Variants in ROBO1 observed in about 807,000 individuals in gnomAD.
ROBO1 encodes the protein roundabout homolog 1.
ROBO1 carries 149 observed loss-of-function variants against 195.9 expected under a neutral mutation model. The observed-to-expected ratio is 0.76, with a 90% CI of 0.67 to 0.87. The LOEUF (loss-of-function observed/expected upper bound fraction) is 0.87. Among genes scored for constraint, ROBO1 ranks in the 40% least tolerant of loss-of-function variants. ROBO1 has a pLI of 0.00. For missense variants in ROBO1, 1,933 were observed against 2,068.3 expected (o/e 0.93, Z 1.27); for synonymous variants, 816 against 733.2 (o/e 1.11, Z -1.82).
At chr3:78,690,733 G>A (rs2081154048) in intron 8 of ROBO1, among the ~76,000 whole-genome samples, 1 of 152,120 alleles carries the variant, frequency 6.6e-6, no homozygotes. Flanking sequence ...AATTAGATGA[G>A]TGGGAGAATA....
Position 78,696,726 on chromosome 3 carries a change from A to G in ROBO1, c.1046-7954T>C, listed in dbSNP as rs569571902. ...CACATATATATACACGTATATATAC[A>G]TGTATATATACATATATATATACAC... On this transcript the variant is annotated intron_variant, in intron 8 of 30. Coordinates refer to ENST00000464233, the MANE Select transcript of ROBO1 (RefSeq NM_002941.4). Among the ~76,000 whole-genome samples the G allele has an allele frequency of 8.4e-4, 124 of 147,090 alleles. 1 individual carries two copies. In the South Asian group the frequency reaches 0.016, roughly 18 times the overall value.
chr3:79,063,885 G>C (rs933712794), intron 3 of ROBO1, among the ~76,000 whole-genome samples: 8 of 151,906 alleles, frequency 5.3e-5, no homozygotes, highest in Non-Finnish European at 1.2e-4. Context: ...GGAATCTGAA[G>C]AAGTTGACCT....
In ROBO1 at chr3:79,545,688, G is replaced by A. The variant is rs1484543392; in HGVS notation, c.88+44136C>T. 4.6e-5 allele frequency among the ~76,000 whole-genome samples: 7 copies of A among 150,948 alleles called. No individual in the cohort carries two copies. In the East Asian group the frequency reaches 1.4e-3, roughly 30 times the overall value. On this transcript the variant is annotated intron_variant, in intron 2 of 30. Coordinates refer to ENST00000464233, the MANE Select transcript of ROBO1 (RefSeq NM_002941.4). Reference sequence around the variant, plus strand: ...CCTGCATTACAAAATTACAAGATTCGAGATGGTAGGTAGGTTTTTTCTTTA... The same window carrying A: ...CCTGCATTACAAAATTACAAGATTCAAGATGGTAGGTAGGTTTTTTCTTTA...
intron 29 of ROBO1, 73 bp from the exon 30 acceptor site, chr3:78,600,382 C>T: frequency 1.0e-6 from 1 of 963,630 alleles, no homozygotes; most frequent in Non-Finnish European, 1.6e-6. Flanking sequence ...TCACTCCTGT[C>T]TATCTGTAAT....
At chr3:79,500,419 C>T (rs538077056) in intron 2 of ROBO1, among the ~76,000 whole-genome samples, 1 of 152,178 alleles carries the variant, frequency 6.6e-6, no homozygotes, top group South Asian at 2.1e-4. Context: ...CGTGAGCCAC[C>T]GGGCTTGGCC....
intron 2 of ROBO1, among the ~76,000 whole-genome samples, chr3:79,450,124 G>GAA (rs570199810): frequency 1.2e-4 from 12 of 101,542 alleles, no homozygotes; most frequent in African/African-American, 3.4e-4. Flanking sequence ...GAAAAAAAAT[G>GAA]AAAAAAAAAA....
At chr3:79,600,790 G>A (rs1944316741) in intron 1 of ROBO1, among the ~76,000 whole-genome samples, 1 of 151,810 alleles carries the variant, frequency 6.6e-6, no homozygotes. Context: ...TGCATTTAAT[G>A]GGACATGATG....
At chr3:78,605,660 C>T (rs912693913) in intron 29 of ROBO1, among the ~76,000 whole-genome samples, 3 of 152,136 alleles carry the variant, frequency 2.0e-5, no homozygotes, top group Admixed American at 1.3e-4. Flanking sequence ...TCTAAATTTT[C>T]GTTGGATTTT....
At chr3:78,761,722 T>C (rs2083110180) in intron 4 of ROBO1, among the ~76,000 whole-genome samples, 1 of 152,190 alleles carries the variant, frequency 6.6e-6, no homozygotes. Flanking sequence ...ATGCATATTT[T>C]ATCAACTATT....
chr3:79,287,026 T>C (rs902104366), intron 2 of ROBO1, among the ~76,000 whole-genome samples: 2 of 152,282 alleles, frequency 1.3e-5, no homozygotes, highest in East Asian at 1.9e-4. Context: ...ATATATGTCC[T>C]TTTGTGTGTC....
chr3:79,236,049 T>A (rs1292893822), intron 2 of ROBO1, among the ~76,000 whole-genome samples: 3 of 152,160 alleles, frequency 2.0e-5, no homozygotes, highest in African/African-American at 7.2e-5. Flanking sequence ...TTCTGTTTTT[T>A]AGACTCTTTG....
intron 3 of ROBO1, among the ~76,000 whole-genome samples, chr3:79,066,598 C>T (rs2079006554): frequency 6.6e-6 from 1 of 151,694 alleles, no homozygotes; most frequent in Admixed American, 6.6e-5. Context: ...TAAAAAAATG[C>T]TTCTTAGGGA....
intron 3 of ROBO1, among the ~76,000 whole-genome samples, chr3:78,995,865 A>G (rs1576533762): frequency 6.6e-6 from 1 of 152,192 alleles, no homozygotes; most frequent in East Asian, 1.9e-4. Context: ...GTGTGTACCT[A>G]CAGGATCAGG....
At chr3:79,752,424 G>A (rs557128545) in intron 1 of ROBO1, among the ~76,000 whole-genome samples, 5 of 152,204 alleles carry the variant, frequency 3.3e-5, no homozygotes, top group Admixed American at 2.6e-4. Context: ...AGAGAAGACA[G>A]GCATTGAATA....
intron 2 of ROBO1, among the ~76,000 whole-genome samples, chr3:79,473,363 C>T (rs947979131): frequency 2.6e-5 from 4 of 152,014 alleles, no homozygotes; most frequent in Admixed American, 1.3e-4. Context: ...TCAGAGACTC[C>T]GGAGGGAACC....
intron 2 of ROBO1, among the ~76,000 whole-genome samples, chr3:79,143,863 A>G (rs1318470205): frequency 1.3e-5 from 2 of 151,782 alleles, no homozygotes; most frequent in African/African-American, 4.8e-5. Context: ...CTCCCACTCA[A>G]CCCCTTCCTA....
At chr3:78,655,742 A>G (rs1706966691) in intron 18 of ROBO1, among the ~76,000 whole-genome samples, 1 of 152,212 alleles carries the variant, frequency 6.6e-6, no homozygotes. Context: ...TGTCACCAAT[A>G]TTATTAACAT....
At chr3:78,637,036 G>T (rs1472878850) in intron 22 of ROBO1, among the ~76,000 whole-genome samples, 1 of 136,894 alleles carries the variant, frequency 7.3e-6, no homozygotes, top group African/African-American at 2.8e-5. Flanking sequence ...AATTAAAATA[G>T]ATTTTAAATA....
rs555204297 is a variant in ROBO1 at position 79,559,482 on chromosome 3, C to T, written c.88+30342G>A. On this transcript the variant is annotated intron_variant, in intron 2 of 30. Transcript: ENST00000464233. ...AAAGATTCAGTTTATCCTTGCTGCA[C>T]CATGTCTGTAATCTGTAACTCAGAG... Among the ~76,000 whole-genome samples, 6 of 152,256 alleles carry T rather than the reference C, an allele frequency of 3.9e-5. No individual in the cohort carries two copies. The South Asian group carries it at 1.2e-3, about 32-fold the overall frequency.
Sources: allele counts gnomAD v4.1 joint callset (sites outside exome capture counted in the v4.1 genomes callset), GRCh38; gene constraint gnomAD v4.1.1; transcripts MANE v1.5; gene names NCBI Gene and HGNC (gene_info 2026-07-23, HGNC 2026-07-21).